SYNRG: variants seen among roughly 807,000 people sequenced by gnomAD.
SYNRG encodes synergin gamma.
Under a neutral mutation model 130.9 loss-of-function variants are expected in SYNRG, and 37 were observed. The ratio of observed to expected loss-of-function variants is 0.28; its 90% CI spans 0.22 to 0.37. The LOEUF is 0.37. Among genes scored for constraint, SYNRG ranks in the 10% least tolerant of loss-of-function variants. SYNRG has a pLI of 1.00. For synonymous variants in SYNRG, 539 were observed against 568.1 expected, an observed-to-expected ratio of 0.95 and a Z score of 0.73; for missense variants, 1,338 against 1,588.9, an observed-to-expected ratio of 0.84 and a Z score of 2.68.
rs745867135 is a variant in SYNRG, at chr17:37,542,389, TCTTTTG to T, written c.2779_2784del (p.Gln927_Lys928del). Reference sequence around the variant, plus strand: ...TCAGAACTGCCAAATGAAGTCTCTTTCTTTTGAAGAATTGAGGTGGCTGAGGGGGAT... The same window carrying T: ...TCAGAACTGCCAAATGAAGTCTCTTTAAGAATTGAGGTGGCTGAGGGGGAT... On this transcript the variant is annotated inframe_deletion, in exon 15 of 22. Coordinates refer to ENST00000612223, the MANE Select transcript of SYNRG (RefSeq NM_007247.6). 6.2e-7 allele frequency: 1 copy of T among 1,614,174 alleles called. No individual in the cohort carries two copies. Among genetic ancestry groups the T allele is most frequent in the Non-Finnish European group, 8.5e-7 (1 of 1,180,048 alleles).
chr17:37,522,179 A>G (rs2055175061), intron 19 of SYNRG, among the ~76,000 whole-genome samples: 2 of 144,044 alleles, frequency 1.4e-5, no homozygotes, highest in Non-Finnish European at 3.0e-5. Flanking sequence ...GGTAGGTCTC[A>G]ATCTTGGAAA....
chr17:37,594,153 ATATTATTTTAATTATATTAAT>A (rs2062472536), intron 3 of SYNRG, among the ~76,000 whole-genome samples: 1 of 147,858 alleles, frequency 6.8e-6, no homozygotes. Context: ...ATGTTTATGA[ATATTATTTTAATTATATTAAT>A]TACAATATTA....
At chr17:37,579,033 T>C in intron 6 of SYNRG, 8 of 874,136 alleles carry the variant, frequency 9.2e-6, no homozygotes, top group Non-Finnish European at 1.1e-5. Flanking sequence ...TATGTGCATG[T>C]TTATTTGCCA....
rs776347123 is a variant in SYNRG at position 37,586,476 on chromosome 17, C to T, written c.314G>A (p.Arg105His). The change falls in exon 4 of 22, where the codon CGT becomes CAT. Residue 105 changes from arginine to histidine, a missense_variant. Transcript: ENST00000612223. The part of the protein sequence containing the change: ...YLGQAPFLGM[R>H]PPGPQYTPDM... ...TGGAGTGTACTGTGGGCCTGGAGGA[C>T]GCATGCCCAGGAAGGGTGCTTGTCC... 2.5e-6 allele frequency: 4 copies of T among 1,614,148 alleles called. No individual in the cohort carries two copies. Among genetic ancestry groups the T allele is most frequent in the African/African-American group, 1.3e-5 (1 of 75,030 alleles).
At chr17:37,549,509 G>GA (rs906132889) in intron 14 of SYNRG, among the ~76,000 whole-genome samples, 2 of 150,058 alleles carry the variant, frequency 1.3e-5, no homozygotes, top group African/African-American at 4.9e-5. Context: ...TACTATGAGT[G>GA]AAAAAAAAAG....
At chr17:37,537,146 C>A (rs911447661) in intron 18 of SYNRG, 3 of 152,234 alleles carry the variant, frequency 2.0e-5, no homozygotes, top group Non-Finnish European at 4.4e-5. Flanking sequence ...GAAAAGAAGA[C>A]CCCAAGTGAG....
At chr17:37,522,680 G>A (rs2055272395) in intron 19 of SYNRG, among the ~76,000 whole-genome samples, 2 of 139,606 alleles carry the variant, frequency 1.4e-5, no homozygotes, top group African/African-American at 5.4e-5. Flanking sequence ...TTGCTCTGTA[G>A]CCCAGGCTGG....
chr17:37,591,510 T>A (rs985564989), intron 3 of SYNRG, among the ~76,000 whole-genome samples: 1 of 152,184 alleles, frequency 6.6e-6, no homozygotes, highest in Non-Finnish European at 1.5e-5. Context: ...CCAGAATAGT[T>A]AAATTTTGAA....
intron 19 of SYNRG, among the ~76,000 whole-genome samples, chr17:37,524,778 G>A (rs2055622118): frequency 6.6e-6 from 1 of 152,208 alleles, no homozygotes; most frequent in African/African-American, 2.4e-5. Context: ...TAGTCTATAT[G>A]ATGATCACAA....
At chr17:37,595,019 G>C (rs539981936) in intron 3 of SYNRG, among the ~76,000 whole-genome samples, 2 of 152,322 alleles carry the variant, frequency 1.3e-5, no homozygotes, top group African/African-American at 4.8e-5. Flanking sequence ...AACCCATAAG[G>C]ATATGTATCA....
At chr17:37,533,666 C>T (rs2056882236) in intron 19 of SYNRG, among the ~76,000 whole-genome samples, 1 of 147,702 alleles carries the variant, frequency 6.8e-6, no homozygotes, top group African/African-American at 2.5e-5. Context: ...CAGCTCACTG[C>T]AACCTCCGAC....
chr17:37,578,111 C>T (rs891924825), intron 6 of SYNRG, among the ~76,000 whole-genome samples: 2 of 151,746 alleles, frequency 1.3e-5, no homozygotes, highest in Admixed American at 1.3e-4. Flanking sequence ...GCAGGCAGAC[C>T]ATGAGGTCAG....
intron 14 of SYNRG, among the ~76,000 whole-genome samples, chr17:37,548,430 G>C (rs986437414): frequency 1.3e-5 from 2 of 152,172 alleles, no homozygotes; most frequent in African/African-American, 4.8e-5. Flanking sequence ...GCTTTTCTCA[G>C]AGTTAACCTA....
Position 37,553,988 on chromosome 17 carries a change from C to T in SYNRG, c.1735G>A (p.Val579Ile), listed in dbSNP as rs763289080. ...GFTDFKTADSVSPLEPPTKDK... is the reference protein window; with the variant it reads ...GFTDFKTADSISPLEPPTKDK... ...TTTGTTGGTGGCTCTAGTGGTGATACACTATCGGCTGTTTTAAAATCGGTG... is the reference window on the plus strand; with the variant it reads ...TTTGTTGGTGGCTCTAGTGGTGATATACTATCGGCTGTTTTAAAATCGGTG... Residue 579 changes from valine to isoleucine, a missense_variant, in exon 14 of 22, where the codon GTA becomes ATA. Val to Ile is a conservative substitution (Grantham distance 29, BLOSUM62 3). Coordinates refer to ENST00000612223, the MANE Select transcript of SYNRG (RefSeq NM_007247.6). The T allele has an allele frequency of 6.2e-7, 1 of 1,609,960 alleles. No homozygotes were observed. The highest frequency in any genetic ancestry group is 8.5e-7 in the Non-Finnish European group (1 of 1,179,226).
intron 19 of SYNRG, among the ~76,000 whole-genome samples, chr17:37,535,130 G>A (rs2057068966): frequency 6.6e-6 from 1 of 152,060 alleles, no homozygotes; most frequent in Non-Finnish European, 1.5e-5. Context: ...TTACAAATAT[G>A]AAATATATAA....
chr17:37,601,330 A>G (rs1472583160), intron 1 of SYNRG, among the ~76,000 whole-genome samples: 1 of 152,088 alleles, frequency 6.6e-6, no homozygotes, highest in African/African-American at 2.4e-5. Context: ...CGGCCTCCCA[A>G]AGTGCTGGGA....
chr17:37,586,653 A>G (rs1215588818), intron 3 of SYNRG, 104 bp from the exon 4 acceptor site: 5 of 1,308,482 alleles, frequency 3.8e-6, no homozygotes, highest in Non-Finnish European at 5.2e-6. Context: ...CTTATTTGTA[A>G]AAAATAGAAA....
rs2054891953 is a variant in SYNRG at position 37,520,653 on chromosome 17, G to A, written c.3667-5C>T. 4.3e-6 allele frequency: 7 copies of A among 1,613,220 alleles called. No individual in the cohort carries two copies. In the Admixed American group the frequency reaches 1.2e-4, roughly 27 times the overall value. ...ATCCAGCGAGTTTTCATCTGGCTGT[G>A]AGGACGACAAGACAAATGGGTAAGA... On this transcript the variant is annotated splice_region_variant and splice_polypyrimidine_tract_variant and intron_variant, in intron 19 of 21. Transcript: ENST00000612223.
At chr17:37,525,736 G>A (rs948396152) in intron 19 of SYNRG, among the ~76,000 whole-genome samples, 1 of 151,964 alleles carries the variant, frequency 6.6e-6, no homozygotes, top group Non-Finnish European at 1.5e-5. Flanking sequence ...GGGAGGCCAA[G>A]GCGGGCGGAT....
Sources: allele counts gnomAD v4.1 joint callset (sites outside exome capture counted in the v4.1 genomes callset), GRCh38; gene constraint gnomAD v4.1.1; transcripts MANE v1.5; gene names NCBI Gene and HGNC (gene_info 2026-07-23, HGNC 2026-07-21).